The following SMYD3 variants were observed in gnomAD, a reference collection of about 807,000 sequenced individuals.
SMYD3 encodes SET and MYND domain containing 3.
Under a neutral mutation model 57.7 loss-of-function variants are expected in SMYD3, and 36 were observed. The ratio of observed to expected loss-of-function variants is 0.62; its 90% CI spans 0.48 to 0.82. The LOEUF is 0.82. Ranked by LOEUF, SMYD3 falls within the 40% of genes least tolerant of loss-of-function variation. The pLI, the probability that SMYD3 is intolerant of heterozygous loss-of-function variation, is 0.00. For missense variants in SMYD3, 515 were observed against 538.8 expected (o/e 0.96, Z 0.44); for synonymous variants, 211 against 195.0 (o/e 1.08, Z -0.68).
chr1:246,431,559 A>C (rs2067296609), intron 1 of SMYD3, among the ~76,000 whole-genome samples: 1 of 152,148 alleles, frequency 6.6e-6, no homozygotes, highest in Admixed American at 6.5e-5. Context: ...GTGAAACCCT[A>C]TCTCTACTAA....
At chr1:245,997,153 T>A (rs2058946883) in intron 5 of SMYD3, among the ~76,000 whole-genome samples, 2 of 152,240 alleles carry the variant, frequency 1.3e-5, no homozygotes, top group Admixed American at 6.5e-5. Context: ...GACGGGACAC[T>A]TAATGAATTT....
chr1:246,239,548 C>T (rs2063569467), intron 5 of SMYD3, among the ~76,000 whole-genome samples: 1 of 152,210 alleles, frequency 6.6e-6, no homozygotes, highest in Admixed American at 6.5e-5. Flanking sequence ...CCGCAATAAA[C>T]ATACGTGTGC....
intron 5 of SMYD3, among the ~76,000 whole-genome samples, chr1:246,057,253 T>C (rs982588961): frequency 6.6e-6 from 1 of 152,234 alleles, no homozygotes; most frequent in African/African-American, 2.4e-5. Context: ...AGCCTTCCTC[T>C]TCCATATAGT....
intron 1 of SMYD3, among the ~76,000 whole-genome samples, chr1:246,396,600 C>T (rs528311271): frequency 7.6e-6 from 1 of 132,090 alleles, no homozygotes; most frequent in African/African-American, 2.8e-5. Context: ...TATGGTTTGG[C>T]TCTGTGTCCA....
chr1:246,476,724 T>C (rs1168411861), intron 1 of SMYD3, among the ~76,000 whole-genome samples: 1 of 152,232 alleles, frequency 6.6e-6, no homozygotes, highest in Non-Finnish European at 1.5e-5. Flanking sequence ...TTGTTCAATG[T>C]CCTTATTTTT....
chr1:246,445,590 A>G (rs1249624734), intron 1 of SMYD3, among the ~76,000 whole-genome samples: 2 of 152,194 alleles, frequency 1.3e-5, no homozygotes, highest in African/African-American at 4.8e-5. Context: ...GGGTCTAAAA[A>G]CATACAACAC....
intron 5 of SMYD3, among the ~76,000 whole-genome samples, chr1:245,990,164 G>A (rs2058786323): frequency 6.6e-6 from 1 of 152,104 alleles, no homozygotes; most frequent in South Asian, 2.1e-4. Context: ...TGACTTCCTG[G>A]GCTAAAGTGA....
At chr1:246,180,227 T>C (rs2062514487) in intron 5 of SMYD3, among the ~76,000 whole-genome samples, 1 of 147,344 alleles carries the variant, frequency 6.8e-6, no homozygotes, top group Non-Finnish European at 1.5e-5. Flanking sequence ...AAAATATATA[T>C]ACATATATGT....
intron 5 of SMYD3, among the ~76,000 whole-genome samples, chr1:246,211,460 C>T (rs1017629909): frequency 1.3e-5 from 2 of 151,826 alleles, no homozygotes; most frequent in African/African-American, 4.8e-5. Context: ...CCAATAACAA[C>T]AAAATGTTAA....
At chr1:246,078,138 A>T (rs1027815216) in intron 5 of SMYD3, among the ~76,000 whole-genome samples, 1 of 152,112 alleles carries the variant, frequency 6.6e-6, no homozygotes, top group Admixed American at 6.5e-5. Flanking sequence ...AAGCATTCAA[A>T]AATTTCTCCC....
intron 1 of SMYD3, among the ~76,000 whole-genome samples, chr1:246,372,888 A>G (rs944098728): frequency 2.6e-5 from 4 of 152,240 alleles, no homozygotes; most frequent in Non-Finnish European, 5.9e-5. Context: ...CAAGTATGAA[A>G]TACAGAAAGT....
At chr1:245,908,832 T>TTA (rs1447185648) in intron 8 of SMYD3, among the ~76,000 whole-genome samples, 1 of 152,116 alleles carries the variant, frequency 6.6e-6, no homozygotes, top group Admixed American at 6.6e-5. Context: ...AGATGGAAGT[T>TTA]TATAGCAATA....
At chr1:246,122,152 G>A (rs545771202) in intron 5 of SMYD3, among the ~76,000 whole-genome samples, 4 of 152,292 alleles carry the variant, frequency 2.6e-5, no homozygotes, top group African/African-American at 7.2e-5. Context: ...GCTCATGCCT[G>A]TAATCCCAGC....
intron 5 of SMYD3, among the ~76,000 whole-genome samples, chr1:246,223,993 A>G (rs367945057): frequency 3.9e-4 from 59 of 152,244 alleles, no homozygotes; most frequent in African/African-American, 1.3e-3. Context: ...TCTCATCTGT[A>G]AGAGGATTTA....
chr1:246,468,665 A>G (rs575531433), intron 1 of SMYD3, among the ~76,000 whole-genome samples: 1 of 152,078 alleles, frequency 6.6e-6, no homozygotes, highest in Non-Finnish European at 1.5e-5. Flanking sequence ...AAAATTAATA[A>G]CAATAATAAT....
chr1:246,098,364 C>T (rs1169846012), intron 5 of SMYD3, among the ~76,000 whole-genome samples: 2 of 152,150 alleles, frequency 1.3e-5, no homozygotes, highest in Admixed American at 6.5e-5. Context: ...AGCACACGTT[C>T]GAAATCCTGC....
At chr1:246,082,840 A>G (rs1462784748) in intron 5 of SMYD3, among the ~76,000 whole-genome samples, 1 of 152,086 alleles carries the variant, frequency 6.6e-6, no homozygotes. Flanking sequence ...TCCCTGAAAC[A>G]TGTGCTGTGT....
intron 5 of SMYD3, among the ~76,000 whole-genome samples, chr1:246,141,586 A>T (rs1023340354): frequency 6.6e-6 from 1 of 152,210 alleles, no homozygotes; most frequent in Non-Finnish European, 1.5e-5. Context: ...AAACATGTAC[A>T]GTGTGCTAGA....
intron 10 of SMYD3, among the ~76,000 whole-genome samples, chr1:245,831,780 T>G (rs1331208197): frequency 6.6e-6 from 1 of 152,208 alleles, no homozygotes; most frequent in East Asian, 1.9e-4. Flanking sequence ...TCAGGTTTTG[T>G]GGCCACCCCT....
Sources: gnomAD v4.1 joint callset for allele counts (sites outside exome capture counted in the v4.1 genomes callset) on GRCh38, gnomAD v4.1.1 for gene constraint, MANE v1.5 for transcripts, NCBI Gene and HGNC (gene_info 2026-07-23, HGNC 2026-07-21) for gene names.